GHR: variants seen among roughly 807,000 people sequenced by gnomAD.
GHR encodes the protein GH receptor.
Under a neutral mutation model 67.1 loss-of-function variants are expected in GHR, and 35 were observed. The ratio of observed to expected loss-of-function variants is 0.52; its 90% CI spans 0.40 to 0.69. The LOEUF (loss-of-function observed/expected upper bound fraction) is 0.69. Ranked by LOEUF, GHR falls within the 30% of genes least tolerant of loss-of-function variation. The pLI is 0.00. For missense variants in GHR, 792 were observed against 764.6 expected, an observed-to-expected ratio of 1.04 and a Z score of -0.42; for synonymous variants, 272 against 269.1, an observed-to-expected ratio of 1.01 and a Z score of -0.10.
intron 1 of GHR, among the ~76,000 whole-genome samples, chr5:42,487,514 C>A (rs1000259888): frequency 6.6e-6 from 1 of 152,090 alleles, no homozygotes; most frequent in Non-Finnish European, 1.5e-5. Flanking sequence ...GAATAGAGAT[C>A]ATGAAATAAG....
At chr5:42,435,633 C>G (rs1404668262) in intron 1 of GHR, among the ~76,000 whole-genome samples, 3 of 152,162 alleles carry the variant, frequency 2.0e-5, no homozygotes, top group Non-Finnish European at 4.4e-5. Context: ...ATATATTTGT[C>G]AACACTAAGA....
chr5:42,438,412 G>A (rs536527265), intron 1 of GHR, among the ~76,000 whole-genome samples: 5 of 152,160 alleles, frequency 3.3e-5, no homozygotes, highest in East Asian at 1.9e-4. Flanking sequence ...AATTCCCCCC[G>A]TCCATTGAAT....
chr5:42,682,370 T>C (rs1261131955), intron 3 of GHR, among the ~76,000 whole-genome samples: 2 of 152,238 alleles, frequency 1.3e-5, no homozygotes, highest in African/African-American at 2.4e-5. Flanking sequence ...TCAGAAATGA[T>C]TTTCTGTTCC....
chr5:42,648,527 G>A (rs942399339), intron 3 of GHR, among the ~76,000 whole-genome samples: 1 of 152,028 alleles, frequency 6.6e-6, no homozygotes, highest in African/African-American at 2.4e-5. Flanking sequence ...TCTATTCCTG[G>A]CTTTTCTTAG....
At chr5:42,663,169 G>A (rs1007060816) in intron 3 of GHR, among the ~76,000 whole-genome samples, 1 of 152,258 alleles carries the variant, frequency 6.6e-6, no homozygotes, top group Non-Finnish European at 1.5e-5. Flanking sequence ...AGAGGTACAA[G>A]GAGGAACTGG....
In GHR at chr5:42,719,240, G is replaced by A. The variant is rs889233135; in HGVS notation, c.1733G>A (p.Arg578Lys). ...GAAAGCCTTACCACTGCTGCTGGGA[G>A]GCCTGGGACAGGAGAACATGTTCCA... ...TTESLTTAAG[R>K]PGTGEHVPGS... The change falls in exon 10 of 10, where the codon AGG (arginine) becomes AAG (lysine). Residue 578 changes from arginine to lysine, a missense_variant. Transcript: ENST00000230882. 4 of 1,613,980 alleles carry A rather than the reference G, an allele frequency of 2.5e-6. No individual in the cohort carries two copies. In the South Asian group the frequency reaches 4.4e-5, roughly 18 times the overall value.
chr5:42,720,835 A>C lies in GHR; in HGVS notation c.*1411A>C, dbSNP rs1758984224. On this transcript the variant is annotated 3_prime_UTR_variant, in exon 10 of 10. Coordinates refer to ENST00000230882, the MANE Select transcript of GHR (RefSeq NM_000163.5). ...CTTCCTCTCTGAGTGGACTGGCCTC[A>C]AAGCAAGCATTCAGAAGAAAAAGAA... 1 of 152,250 alleles carries C rather than the reference A, an allele frequency of 6.6e-6. No homozygotes were observed. Among genetic ancestry groups the C allele is most frequent in the South Asian group, 2.1e-4 (1 of 4,828 alleles). The allele number at this position is 152,250 out of a possible 1,614,324, so 9.4% of individuals were successfully genotyped here. A position where few individuals can be genotyped will look rare whatever the true frequency, so the allele number is the denominator to read the frequency against.
At chr5:42,551,923 T>C in intron 1 of GHR, among the ~76,000 whole-genome samples, 1 of 152,206 alleles carries the variant, frequency 6.6e-6, no homozygotes, top group East Asian at 1.9e-4. Flanking sequence ...CATATAGCTT[T>C]CCAATGAGGG....
At chr5:42,665,586 G>A (rs148236814) in intron 3 of GHR, among the ~76,000 whole-genome samples, 2,387 of 152,006 alleles carry the variant, frequency 0.016, 22 homozygotes, top group Middle Eastern at 0.051. Context: ...TCACACTCTG[G>A]GGACTGTTGT....
intron 3 of GHR, among the ~76,000 whole-genome samples, chr5:42,640,506 A>T (rs756759094): frequency 6.6e-6 from 1 of 152,102 alleles, no homozygotes; most frequent in Non-Finnish European, 1.5e-5. Flanking sequence ...CTGGAAGAGT[A>T]GGACTTGCCT....
At chr5:42,592,017 G>A (rs541221279) in intron 2 of GHR, among the ~76,000 whole-genome samples, 31 of 151,984 alleles carry the variant, frequency 2.0e-4, no homozygotes, top group African/African-American at 7.5e-4. Flanking sequence ...GACCACCAGC[G>A]TCCCCACTGA....
intron 2 of GHR, among the ~76,000 whole-genome samples, chr5:42,584,494 G>A (rs1441596561): frequency 6.6e-6 from 1 of 152,086 alleles, no homozygotes; most frequent in Non-Finnish European, 1.5e-5. Context: ...AACCAATAGG[G>A]CAGAACTCGT....
chr5:42,494,014 T>A (rs1746220899), intron 1 of GHR, among the ~76,000 whole-genome samples: 1 of 152,184 alleles, frequency 6.6e-6, no homozygotes, highest in African/African-American at 2.4e-5. Context: ...TATCCCTCAC[T>A]GCAGCAGAGT....
rs554840092 is a variant in GHR at position 42,700,363 on chromosome 5, T to C, written c.618+361T>C. On this transcript the variant is annotated intron_variant, in intron 6 of 9. Transcript: ENST00000230882. ...GTCAACAGTGACTATGGCCAAATAT[T>C]TTCCCATGATTTCAGTTGCTGCTAC... Among the ~76,000 whole-genome samples the C allele has an allele frequency of 5.8e-4, 89 of 152,268 alleles. 1 individual carries two copies. The highest frequency in any genetic ancestry group is 3.4e-3 in the Middle Eastern group (1 of 294).
At chr5:42,460,279 T>G (rs968191332) in intron 1 of GHR, among the ~76,000 whole-genome samples, 1 of 152,226 alleles carries the variant, frequency 6.6e-6, no homozygotes, top group African/African-American at 2.4e-5. Context: ...TGTAGTATTT[T>G]GTTGTGGCAG....
intron 1 of GHR, among the ~76,000 whole-genome samples, chr5:42,535,883 A>G (rs1190685222): frequency 6.6e-6 from 1 of 152,002 alleles, no homozygotes; most frequent in Non-Finnish European, 1.5e-5. Context: ...TCTTTTGTTA[A>G]GTATATTCCT....
chr5:42,476,284 A>C (rs1238154880), intron 1 of GHR, among the ~76,000 whole-genome samples: 1 of 148,934 alleles, frequency 6.7e-6, no homozygotes, highest in African/African-American at 2.5e-5. Flanking sequence ...GCAGTGGCAC[A>C]ATCTCGGCTC....
chr5:42,638,980 T>C (rs998016855), intron 3 of GHR, among the ~76,000 whole-genome samples: 3 of 152,200 alleles, frequency 2.0e-5, no homozygotes, highest in African/African-American at 7.2e-5. Flanking sequence ...CAAAACATCA[T>C]TGTGTGGCTC....
chr5:42,536,733 G>A (rs935105377), intron 1 of GHR, among the ~76,000 whole-genome samples: 5 of 152,096 alleles, frequency 3.3e-5, no homozygotes, highest in Non-Finnish European at 7.4e-5. Context: ...AGCATCAAAA[G>A]GATTGGTATC....
Sources: allele counts gnomAD v4.1 joint callset (sites outside exome capture counted in the v4.1 genomes callset), GRCh38; gene constraint gnomAD v4.1.1; transcripts MANE v1.5; gene names NCBI Gene and HGNC (gene_info 2026-07-23, HGNC 2026-07-21).